Variants in CAMK4 observed in about 807,000 individuals in gnomAD.
CAMK4 encodes calcium/calmodulin dependent protein kinase IV.
Under a neutral mutation model 44.9 loss-of-function variants are expected in CAMK4, and 22 were observed. The ratio of observed to expected loss-of-function variants is 0.49; its 90% CI spans 0.35 to 0.70. The LOEUF (loss-of-function observed/expected upper bound fraction) is 0.70, where lower values mean the gene tolerates loss of function less well. Among genes scored for constraint, CAMK4 ranks in the 30% least tolerant of loss-of-function variants. The pLI is 0.01. For missense variants in CAMK4, 498 were observed against 586.8 expected, an observed-to-expected ratio of 0.85 and a Z score of 1.56; for synonymous variants, 218 against 215.4, an observed-to-expected ratio of 1.01 and a Z score of -0.11.
At chr5:111,479,454 C>G (rs995544095) in intron 9 of CAMK4, among the ~76,000 whole-genome samples, 1 of 152,128 alleles carries the variant, frequency 6.6e-6, no homozygotes, top group Middle Eastern at 3.2e-3. Flanking sequence ...CATTTCTCAT[C>G]AATCCACTAG....
chr5:111,459,181 C>T (rs1754545802), intron 7 of CAMK4, among the ~76,000 whole-genome samples: 4 of 152,102 alleles, frequency 2.6e-5, no homozygotes, highest in Admixed American at 2.6e-4. Flanking sequence ...TTCAGCAACA[C>T]CATCATTAGT....
At chr5:111,424,254 A>G (rs1753133933) in intron 5 of CAMK4, among the ~76,000 whole-genome samples, 1 of 152,190 alleles carries the variant, frequency 6.6e-6, no homozygotes, top group South Asian at 2.1e-4. Context: ...CACCTTTAAA[A>G]GACACAGGTG....
intron 4 of CAMK4, among the ~76,000 whole-genome samples, chr5:111,378,516 G>T (rs11241121): frequency 0.36 from 55,041 of 151,840 alleles, 10,991 homozygotes; most frequent in South Asian, 0.51. Flanking sequence ...GGAGCAAAAG[G>T]TCTAGCTTCA....
chr5:111,466,354 A>G (rs994193251), intron 7 of CAMK4, among the ~76,000 whole-genome samples: 2 of 152,204 alleles, frequency 1.3e-5, no homozygotes, highest in Non-Finnish European at 2.9e-5. Context: ...AGCCAGAGCA[A>G]TCAGACAAGA....
At chr5:111,309,047 A>G (rs1390513918) in intron 1 of CAMK4, among the ~76,000 whole-genome samples, 1 of 152,212 alleles carries the variant, frequency 6.6e-6, no homozygotes, top group Non-Finnish European at 1.5e-5. Context: ...TGAATAAGAC[A>G]TGGTTCTTGG....
At chr5:111,360,872 A>T (rs577993623) in intron 2 of CAMK4, among the ~76,000 whole-genome samples, 8 of 152,050 alleles carry the variant, frequency 5.3e-5, no homozygotes, top group African/African-American at 1.9e-4. Context: ...TGACAAAGAA[A>T]TTTTTTTTAT....
chr5:111,443,532 A>G (rs1753922066), intron 5 of CAMK4, among the ~76,000 whole-genome samples: 1 of 151,220 alleles, frequency 6.6e-6, no homozygotes, highest in African/African-American at 2.4e-5. Flanking sequence ...TCGTTCTAGT[A>G]TTTTTCTCTA....
At chr5:111,406,411 A>G (rs1011183642) in intron 5 of CAMK4, among the ~76,000 whole-genome samples, 1 of 151,914 alleles carries the variant, frequency 6.6e-6, no homozygotes, top group Non-Finnish European at 1.5e-5. Context: ...TTTTGTAGAG[A>G]CGAGGTTTCA....
intron 4 of CAMK4, among the ~76,000 whole-genome samples, chr5:111,381,223 A>G (rs1751399519): frequency 6.6e-6 from 1 of 152,142 alleles, no homozygotes; most frequent in South Asian, 2.1e-4. Flanking sequence ...CTGTAAAGGG[A>G]CAGAACTAAC....
rs576687852 is a variant in CAMK4, at chr5:111,290,161, T to G, written c.162-53863T>G. On this transcript the variant is annotated intron_variant, in intron 1 of 10. Transcript: ENST00000282356. The surrounding 1 kb of genome is among the most constrained non-coding windows in gnomAD (Gnocchi z 4.5). ...TTGGTTCAACACATAAACCCTGTTT[T>G]GGAGTATAGACGCCTGCTCCCCTAC... Among the ~76,000 whole-genome samples the G allele has an allele frequency of 1.3e-5, 2 of 152,278 alleles. No homozygotes were observed. The highest frequency in any genetic ancestry group is 4.8e-5 in the African/African-American group (2 of 41,552).
intron 4 of CAMK4, among the ~76,000 whole-genome samples, chr5:111,388,123 C>T (rs1287348857): frequency 6.6e-6 from 1 of 152,110 alleles, no homozygotes; most frequent in Non-Finnish European, 1.5e-5. Context: ...CAGAAACTGC[C>T]TGGAATAGAA....
intron 4 of CAMK4, among the ~76,000 whole-genome samples, chr5:111,385,387 C>A (rs774630117): frequency 1.3e-5 from 2 of 151,930 alleles, no homozygotes; most frequent in Non-Finnish European, 2.9e-5. Flanking sequence ...AGGCAGAGGC[C>A]AGAAGGAAGG....
At chr5:111,288,611 T>C (rs1247126350) in intron 1 of CAMK4, among the ~76,000 whole-genome samples, 2 of 152,336 alleles carry the variant, frequency 1.3e-5, no homozygotes, top group Admixed American at 6.5e-5. Context: ...TTTTCTATTA[T>C]ATTGTTTATC....
In CAMK4 at chr5:111,438,504, G is replaced by T. The variant is rs540389664; in HGVS notation, c.460-8182G>T. 3.9e-5 allele frequency among the ~76,000 whole-genome samples: 6 copies of T among 152,054 alleles called. No individual in the cohort carries two copies. In the South Asian group the frequency reaches 1.0e-3, roughly 26 times the overall value. On this transcript the variant is annotated intron_variant, in intron 5 of 10. Transcript: ENST00000282356. The stretch of plus-strand genomic sequence containing the variant: ...GCCTGCCACTTAGAGAAAATTTATT[G>T]TAAAAAATTATCCAAGTAATCCGTA...
At chr5:111,300,453 G>C (rs188008144) in intron 1 of CAMK4, among the ~76,000 whole-genome samples, 13 of 152,310 alleles carry the variant, frequency 8.5e-5, no homozygotes, top group Non-Finnish European at 1.8e-4. Context: ...TGAAGTCACT[G>C]ATGAAAAGTA....
At chr5:111,380,117 G>A (rs1682195109) in intron 4 of CAMK4, among the ~76,000 whole-genome samples, 1 of 152,090 alleles carries the variant, frequency 6.6e-6, no homozygotes, top group African/African-American at 2.4e-5. Flanking sequence ...CAAGGTGTGA[G>A]TTTTGCTTTA....
chr5:111,446,791 T>G lies in CAMK4; in HGVS notation c.550+15T>G. ...ACTCAAAATCGGTGAGAACATTTCTTCTTGTTTTGTGACCCCTTTTTTCAG... is the reference window on the plus strand; with the variant it reads ...ACTCAAAATCGGTGAGAACATTTCTGCTTGTTTTGTGACCCCTTTTTTCAG... On this transcript the variant is annotated intron_variant, in intron 6 of 10. Transcript: ENST00000282356. 3.3e-6 allele frequency: 5 copies of G among 1,528,734 alleles called. 1 individual carries two copies. In the South Asian group the frequency reaches 4.5e-5, roughly 14 times the overall value. The allele number at this position is 1,528,734 out of a possible 1,614,324, so 94.7% of individuals were successfully genotyped here. A position where few individuals can be genotyped will look rare whatever the true frequency, so the allele number is the denominator to read the frequency against.
intron 1 of CAMK4, among the ~76,000 whole-genome samples, chr5:111,241,954 T>C (rs1749010659): frequency 6.6e-6 from 1 of 152,224 alleles, no homozygotes; most frequent in African/African-American, 2.4e-5. Flanking sequence ...CTGATTTCTG[T>C]GTATGTCTTG....
chr5:111,240,006 G>A lies in CAMK4; in HGVS notation c.161+15362G>A, dbSNP rs145745307. 9.2e-5 allele frequency among the ~76,000 whole-genome samples: 14 copies of A among 152,292 alleles called. No homozygotes were observed. The East Asian group carries it at 2.7e-3, about 29-fold the overall frequency. On this transcript the variant is annotated intron_variant, in intron 1 of 10. Transcript: ENST00000282356. Reference sequence around the variant, plus strand: ...TTTCATGTATTGAAAAGAAGGTGTAGTATAACCGTAAGATTTTCCACATCT... The same window carrying A: ...TTTCATGTATTGAAAAGAAGGTGTAATATAACCGTAAGATTTTCCACATCT...
Sources: allele counts gnomAD v4.1 joint callset (sites outside exome capture counted in the v4.1 genomes callset), GRCh38; gene constraint gnomAD v4.1.1; non-coding constraint Gnocchi (gnomAD v3.1); transcripts MANE v1.5; gene names NCBI Gene and HGNC (gene_info 2026-07-23, HGNC 2026-07-21).